SEMA5B: variants seen among roughly 807,000 people sequenced by gnomAD.
SEMA5B encodes the protein semaphorin 5B.
SEMA5B carries 66 observed loss-of-function variants against 135.0 expected under a neutral mutation model. That is an observed-to-expected ratio of 0.49 (90% CI 0.40 to 0.60). The LOEUF (loss-of-function observed/expected upper bound fraction) is 0.60, where lower values mean the gene tolerates loss of function less well. SEMA5B is among the 20% of genes least tolerant of loss of function. The probability of loss-of-function intolerance (pLI) is 0.00; values close to 1 mark genes in which losing one functional copy is unlikely to be tolerated. For synonymous variants in SEMA5B, 690 were observed against 639.5 expected (o/e 1.08, Z -1.19); for missense variants, 1,501 against 1,566.3 (o/e 0.96, Z 0.70).
At chr3:122,963,480 G>A (rs543948890) in intron 1 of SEMA5B, among the ~76,000 whole-genome samples, 8 of 145,638 alleles carry the variant, frequency 5.5e-5, no homozygotes, top group South Asian at 2.2e-4. Context: ...AAAACAGAGC[G>A]AGTCTCTGAC....
intron 1 of SEMA5B, among the ~76,000 whole-genome samples, chr3:122,983,732 A>G (rs1011752774): frequency 1.1e-3 from 153 of 139,928 alleles, no homozygotes; most frequent in South Asian, 3.1e-3. Flanking sequence ...AAAAAAAAAA[A>G]AAAAAAAAAA....
intron 1 of SEMA5B, among the ~76,000 whole-genome samples, chr3:123,013,848 G>T (rs527661074): frequency 1.1e-4 from 17 of 152,350 alleles, no homozygotes; most frequent in Admixed American, 2.0e-4. Context: ...GAGGGTAAAG[G>T]ATGCTGACGG....
chr3:122,947,497 G>A (rs1182420655), intron 3 of SEMA5B, among the ~76,000 whole-genome samples: 1 of 152,156 alleles, frequency 6.6e-6, no homozygotes, highest in African/African-American at 2.4e-5. Flanking sequence ...CCTGCAGGAT[G>A]GGGCTCCGCA....
intron 3 of SEMA5B, among the ~76,000 whole-genome samples, chr3:122,947,345 C>T (rs1286621290): frequency 1.3e-5 from 2 of 152,104 alleles, no homozygotes; most frequent in African/African-American, 2.4e-5. Flanking sequence ...ACCTTCCTCC[C>T]TGAGAGGAGC....
chr3:122,921,734 A>G (rs116803076), intron 12 of SEMA5B, among the ~76,000 whole-genome samples, 181 bp downstream of exon 12: 5,287 of 152,350 alleles, frequency 0.035, 130 homozygotes, highest in Middle Eastern at 0.061. Flanking sequence ...TAACCCTCAC[A>G]AAAACCCTGC....
intron 12 of SEMA5B, among the ~76,000 whole-genome samples, chr3:122,920,852 G>A (rs753085348): frequency 7.2e-5 from 11 of 152,146 alleles, no homozygotes; most frequent in Non-Finnish European, 1.5e-4. Context: ...ATCAGTGTTC[G>A]GGGCCTATTT....
rs763110624 is a variant in SEMA5B, at chr3:122,911,965, C to T, written c.3001G>A (p.Gly1001Arg). 3.1e-6 allele frequency: 5 copies of T among 1,611,706 alleles called. No homozygotes were observed. The Admixed American group carries it at 6.7e-5, about 22-fold the overall frequency. The part of the protein sequence containing the change: ...ELLPGSSACA[G>R]NSSQSRPCPY... ...CAGGGGCGGCTCTGGCTGCTGTTTC[C>T]AGCACAGGCGCTGGACCCTGGGAGG... Residue 1001 changes from glycine to arginine, a missense_variant, in exon 20 of 23, where the codon GGA becomes AGA. Transcript: ENST00000357599.
chr3:122,910,258 A>G lies in SEMA5B; in HGVS notation c.3341T>C (p.Phe1114Ser), dbSNP rs1157688152. 4 of 1,614,090 alleles carry G rather than the reference A, an allele frequency of 2.5e-6. No individual in the cohort carries two copies. Among genetic ancestry groups the G allele is most frequent in the South Asian group, 1.1e-5 (1 of 91,090 alleles). ...CACATTGGTCTGCTGCAATGGGTAG[A>G]AGTTGGCTCTGTCATCAGGGATCAA... ...NNLIPDDRAN[F>S]YPLQQTNVYT... is the part of the protein sequence containing the mutation. The change falls in exon 23 of 23, where the codon TTC (phenylalanine) becomes TCC (serine). Residue 1114 changes from phenylalanine (F) to serine (S), a missense_variant. By Grantham distance (155) the Phe-to-Ser change is radical (BLOSUM62 -2). This residue lies in a region of SEMA5B where 927 missense variants were observed against 881.6 expected (regional missense o/e 1.05). Coordinates refer to ENST00000357599, the MANE Select transcript of SEMA5B (RefSeq NM_001031702.4).
At chr3:122,921,486 G>A (rs565587503) in intron 12 of SEMA5B, among the ~76,000 whole-genome samples, 45 of 152,248 alleles carry the variant, frequency 3.0e-4, no homozygotes, top group Non-Finnish European at 6.2e-4. Flanking sequence ...CAAAAACGTG[G>A]GGCTGACTCA....
chr3:123,022,962 C>G (rs1485908462), intron 1 of SEMA5B, among the ~76,000 whole-genome samples: 1 of 152,202 alleles, frequency 6.6e-6, no homozygotes, highest in Non-Finnish European at 1.5e-5. Flanking sequence ...GGAGATCCAT[C>G]TGAAATAGAG....
At chr3:122,926,752 C>T (rs1315377059) in intron 8 of SEMA5B, 75 bp from the exon 9 acceptor site, 1 of 1,540,858 alleles carries the variant, frequency 6.5e-7, no homozygotes, top group Non-Finnish European at 8.9e-7. Context: ...GAGGACTCAA[C>T]TACTTCGGTT....
chr3:122,932,907 A>G (rs1939055089), intron 5 of SEMA5B, among the ~76,000 whole-genome samples: 1 of 152,096 alleles, frequency 6.6e-6, no homozygotes, highest in Admixed American at 6.5e-5. Context: ...ATCTGTACAC[A>G]CAGGGTCTTG....
At chr3:122,995,870 A>T (rs1560425339) in intron 1 of SEMA5B, among the ~76,000 whole-genome samples, 1 of 152,232 alleles carries the variant, frequency 6.6e-6, no homozygotes, top group Non-Finnish European at 1.5e-5. Context: ...TCCATTTCTC[A>T]TTATTCAAGT....
intron 1 of SEMA5B, among the ~76,000 whole-genome samples, chr3:123,006,755 G>A (rs1362280154): frequency 6.6e-6 from 1 of 152,082 alleles, no homozygotes; most frequent in East Asian, 1.9e-4. Context: ...GGAACCCACA[G>A]AATCATCCAA....
chr3:123,014,082 C>T (rs1017394063), intron 1 of SEMA5B, among the ~76,000 whole-genome samples: 2 of 152,244 alleles, frequency 1.3e-5, no homozygotes, highest in African/African-American at 4.8e-5. Flanking sequence ...GAACAGGGAA[C>T]ATGCAAATGA....
chr3:123,014,789 A>G (rs1189878644), intron 1 of SEMA5B, among the ~76,000 whole-genome samples: 1 of 152,264 alleles, frequency 6.6e-6, no homozygotes, highest in Non-Finnish European at 1.5e-5. Flanking sequence ...ACAGGAGGTC[A>G]AAAAGCTGCA....
At chr3:122,917,703 G>A (rs1253672867) in intron 12 of SEMA5B, among the ~76,000 whole-genome samples, 1 of 152,190 alleles carries the variant, frequency 6.6e-6, no homozygotes, top group Non-Finnish European at 1.5e-5. Context: ...AGCCCGGTGA[G>A]CACACTGTGG....
At position 122,926,479 on chromosome 3, in the gene SEMA5B, C is replaced by T. The variant is rs1351049639; in HGVS notation, c.1049G>A (p.Gly350Asp). 4 of 1,614,084 alleles carry T rather than the reference C, an allele frequency of 2.5e-6. No homozygotes were observed. The African/African-American group carries it at 5.3e-5, about 22-fold the overall frequency. Residue 350 changes from glycine to aspartate, a missense_variant, in exon 9 of 23, where the codon GGC (glycine) becomes GAC (aspartate). Around this residue, in one of 2 missense-constraint regions of SEMA5B, gnomAD observed 574 missense variants for 684.7 expected, o/e 0.84. Transcript: ENST00000357599. ...MKARLNCSRPGEVPFYYNELQ... is the reference protein window; with the variant it reads ...MKARLNCSRPDEVPFYYNELQ... ...CTCGTTATAGTAGAAGGGGACCTCG[C>T]CCGGGCGGGAGCAGTTGAGCCGGGC...
At chr3:122,913,479 C>A in intron 16 of SEMA5B, 55 bp from the exon 17 acceptor site, 3 of 1,572,130 alleles carry the variant, frequency 1.9e-6, no homozygotes, top group South Asian at 2.3e-5. Flanking sequence ...GGCCCGCCCT[C>A]CCCTCGGCTC....
Sources: allele counts gnomAD v4.1 joint callset (sites outside exome capture counted in the v4.1 genomes callset), GRCh38; gene constraint gnomAD v4.1.1; regional missense constraint gnomAD v4.1.1; transcripts MANE v1.5; gene names NCBI Gene and HGNC (gene_info 2026-07-23, HGNC 2026-07-21).